The following ADGRE3 variants were observed in gnomAD, a reference collection of about 807,000 sequenced individuals.
The protein encoded by ADGRE3 is EGF-like module receptor 3.
ADGRE3 carries 88 observed loss-of-function variants against 80.1 expected under a neutral mutation model. That is an observed-to-expected ratio of 1.10 (90% CI 0.93 to 1.31). ADGRE3 has a LOEUF of 1.31. Ranked by LOEUF, ADGRE3 falls within the 40% of genes most tolerant of loss-of-function variation. The pLI is 0.00. For synonymous variants in ADGRE3, 281 were observed against 294.8 expected, an observed-to-expected ratio of 0.95 and a Z score of 0.48; for missense variants, 715 against 776.5, an observed-to-expected ratio of 0.92 and a Z score of 0.94.
intron 6 of ADGRE3, among the ~76,000 whole-genome samples, chr19:14,654,034 C>A (rs1460974803): frequency 6.6e-6 from 1 of 151,148 alleles, no homozygotes; most frequent in Non-Finnish European, 1.5e-5. Context: ...CTCACTGCAA[C>A]CTCTGCCTCC....
intron 15 of ADGRE3, 134 bp from the exon 16 acceptor site, chr19:14,619,605 T>G: frequency 3.4e-5 from 23 of 675,040 alleles, no homozygotes; most frequent in East Asian, 5.2e-5. Flanking sequence ...CATGATCTCC[T>G]AGCATTTAAA....
At chr19:14,619,998 T>C (rs1234902026) in intron 15 of ADGRE3, among the ~76,000 whole-genome samples, 2 of 152,166 alleles carry the variant, frequency 1.3e-5, no homozygotes, top group African/African-American at 2.4e-5. Flanking sequence ...TCTTCCTTCC[T>C]GGTATTTATG....
intron 15 of ADGRE3, chr19:14,621,729 C>T: frequency 9.6e-7 from 1 of 1,037,004 alleles, no homozygotes; most frequent in Admixed American, 2.5e-5. Context: ...TTCTCCTTTT[C>T]AAATTTAGCA....
At chr19:14,669,090 T>C (rs1037976682) in intron 1 of ADGRE3, among the ~76,000 whole-genome samples, 4 of 152,138 alleles carry the variant, frequency 2.6e-5, no homozygotes, top group Non-Finnish European at 4.4e-5. Context: ...GAAATCATTA[T>C]ATAAAAAAGA....
the ADGRE3 span, among the ~76,000 whole-genome samples, chr19:14,609,628 A>G: frequency 6.7e-6 from 1 of 149,172 alleles, no homozygotes; most frequent in Admixed American, 6.7e-5. Flanking sequence ...ACTTGAGGTC[A>G]GGAGTTCAAG....
At chr19:14,609,826 A>G in the ADGRE3 span, among the ~76,000 whole-genome samples, 8 of 149,042 alleles carry the variant, frequency 5.4e-5, no homozygotes, top group Admixed American at 2.0e-4. Context: ...CGACAGAGTG[A>G]GACTCTGTCT....
chr19:14,615,690 AG>A (rs2075071185), downstream of ADGRE3, among the ~76,000 whole-genome samples: 1 of 149,280 alleles, frequency 6.7e-6, no homozygotes, highest in South Asian at 2.1e-4. Flanking sequence ...TGAACCCGGG[AG>A]GCGAAAGTTA....
At chr19:14,617,322 T>A (rs200867025), downstream of ADGRE3, among the ~76,000 whole-genome samples, 1 of 77,812 alleles carries the variant, frequency 1.3e-5, no homozygotes, top group Non-Finnish European at 2.8e-5. Context: ...TTCCCCTTGC[T>A]TCCCTCCCTC....
chr19:14,641,295 G>A (rs1368170101), intron 10 of ADGRE3, 124 bp downstream of exon 10: 2 of 1,214,924 alleles, frequency 1.6e-6, no homozygotes, highest in African/African-American at 1.5e-5. Flanking sequence ...AGGGTAGCGG[G>A]AAAATTATAT....
the ADGRE3 span, chr19:14,600,164 C>G: frequency 6.2e-7 from 1 of 1,614,000 alleles, no homozygotes; most frequent in Non-Finnish European, 8.5e-7. Context: ...TGGTCATCAT[C>G]AATAGCTTTG....
At chr19:14,651,004 G>A (rs1971590854) in intron 7 of ADGRE3, 81 bp downstream of exon 7, 1 of 1,468,748 alleles carries the variant, frequency 6.8e-7, no homozygotes, top group South Asian at 1.2e-5. Flanking sequence ...TGAGGGGAGA[G>A]CCCAGTGGGC....
chr19:14,671,544 A>C (rs1972257386), intron 1 of ADGRE3, among the ~76,000 whole-genome samples: 1 of 152,142 alleles, frequency 6.6e-6, no homozygotes, highest in South Asian at 2.1e-4. Context: ...CAACATCTGC[A>C]AAGTTTCTTT....
intron 8 of ADGRE3, 32 bp downstream of exon 8, chr19:14,647,149 A>G: frequency 1.9e-6 from 3 of 1,594,414 alleles, no homozygotes; most frequent in Non-Finnish European, 1.7e-6. Flanking sequence ...CTCCTTGAGA[A>G]CCCACAAGCT....
At chr19:14,636,060 C>T (rs1388531161) in intron 11 of ADGRE3, among the ~76,000 whole-genome samples, 4 of 96,776 alleles carry the variant, frequency 4.1e-5, no homozygotes, top group Non-Finnish European at 6.3e-5. Context: ...TTCCTTCCTT[C>T]CTTTCCTTTC....
intron 1 of ADGRE3, among the ~76,000 whole-genome samples, chr19:14,670,068 G>GA (rs558290358): frequency 5.9e-5 from 9 of 151,764 alleles, no homozygotes; most frequent in Non-Finnish European, 1.2e-4. Context: ...TTGAATCTAA[G>GA]AAAAAAAATG....
rs900985534 is a variant in ADGRE3 at position 14,621,026 on chromosome 19, A to AT, written c.1921-1556dup. Among the ~76,000 whole-genome samples the AT allele has an allele frequency of 2.5e-3, 373 of 148,396 alleles. 4 individuals are homozygous for AT. The highest frequency in any genetic ancestry group is 8.2e-3 in the African/African-American group (333 of 40,554). On this transcript the variant is annotated intron_variant, in intron 15 of 15. Transcript: ENST00000253673. ...AATAATTAAGCCTAATATTAATCAAATTTTTTTTTTGAGACAGAGTTTCAT... is the reference window on the plus strand; with the variant it reads ...AATAATTAAGCCTAATATTAATCAAATTTTTTTTTTTGAGACAGAGTTTCAT...
At chr19:14,616,362 C>T (rs2075075408), downstream of ADGRE3, among the ~76,000 whole-genome samples, 1 of 151,986 alleles carries the variant, frequency 6.6e-6, no homozygotes, top group Admixed American at 6.6e-5. Context: ...TCAGAGTTTG[C>T]TTTTGGGAGA....
At chr19:14,648,004 C>T (rs893192659) in intron 7 of ADGRE3, among the ~76,000 whole-genome samples, 13 of 150,434 alleles carry the variant, frequency 8.6e-5, no homozygotes, top group African/African-American at 3.2e-4. Flanking sequence ...ATCGCTTGAA[C>T]CCAAGAGGCG....
At chr19:14,661,574 C>T (rs891550223) in intron 4 of ADGRE3, among the ~76,000 whole-genome samples, 8 of 152,202 alleles carry the variant, frequency 5.3e-5, no homozygotes, top group African/African-American at 1.9e-4. Flanking sequence ...CCCCTTATTT[C>T]CCTCAACTTG....
Sources: allele counts gnomAD v4.1 joint callset (sites outside exome capture counted in the v4.1 genomes callset), GRCh38; gene constraint gnomAD v4.1.1; transcripts MANE v1.5; gene names NCBI Gene and HGNC (gene_info 2026-07-23, HGNC 2026-07-21).